Variants in C1QTNF7 observed in about 807,000 individuals in gnomAD.
C1QTNF7 encodes the protein C1q and TNF related 7.
A neutral mutation model predicts 19.6 loss-of-function variants in C1QTNF7; 15 were observed. The observed-to-expected ratio is 0.76, with a 90% CI of 0.51 to 1.18. The LOEUF (loss-of-function observed/expected upper bound fraction) is 1.18. C1QTNF7 is among the 50% of genes most tolerant of loss of function. The pLI, the probability that C1QTNF7 is intolerant of heterozygous loss-of-function variation, is 0.00. For missense variants in C1QTNF7, 324 were observed against 359.7 expected (o/e 0.90, Z 0.80); for synonymous variants, 142 against 137.5 (o/e 1.03, Z -0.23).
chr4:15,406,224 C>T (rs563113018), intron 1 of C1QTNF7, among the ~76,000 whole-genome samples: 77 of 152,268 alleles, frequency 5.1e-4, no homozygotes, highest in Non-Finnish European at 8.4e-4. Context: ...ACAGTTTCCC[C>T]GCCAGGATCC....
chr4:15,405,472 T>C lies in C1QTNF7; in HGVS notation c.14-30264T>C, dbSNP rs190384617. On this transcript the variant is annotated intron_variant, in intron 1 of 2. Transcript: ENST00000295297. Reference sequence around the variant, plus strand: ...AAGTGAGGATATAGGTGGGCATATATTGCCACCCAGTAGAATCGGCACTCT... The same window carrying C: ...AAGTGAGGATATAGGTGGGCATATACTGCCACCCAGTAGAATCGGCACTCT... Among the ~76,000 whole-genome samples, 211 of 152,240 alleles carry C rather than the reference T, an allele frequency of 1.4e-3. 3 individuals carry two copies. The highest frequency in any genetic ancestry group is 0.013 in the Admixed American group (198 of 15,284).
At chr4:15,422,141 G>A (rs527661650) in intron 1 of C1QTNF7, among the ~76,000 whole-genome samples, 6 of 145,820 alleles carry the variant, frequency 4.1e-5, no homozygotes, top group Middle Eastern at 3.7e-3. Flanking sequence ...CAAAAATCAC[G>A]AAACTATTAA....
Position 15,349,387 on chromosome 4 carries a change from G to A in C1QTNF7, c.13+9180G>A, listed in dbSNP as rs144812316. Among the ~76,000 whole-genome samples, 265 of 152,164 alleles carry A rather than the reference G, an allele frequency of 1.7e-3. 1 individual carries two copies. Among genetic ancestry groups the A allele is most frequent in the African/African-American group, 5.9e-3 (244 of 41,536 alleles). ...GCAGTATATAGGACCCCAGATAACCGAAGGGCCTAGCACAGTGCCCGGGAT... is the reference window on the plus strand; with the variant it reads ...GCAGTATATAGGACCCCAGATAACCAAAGGGCCTAGCACAGTGCCCGGGAT... On this transcript the variant is annotated intron_variant, in intron 1 of 2. Transcript: ENST00000295297.
At position 15,387,322 on chromosome 4, in the gene C1QTNF7, G is replaced by A. The variant is rs543988028; in HGVS notation, c.13+47115G>A. Reference sequence around the variant, plus strand: ...ATGTGGAGGTGTCTAGCAGGTAGCTGAATGTGAGTGTGGCATTCAGGAGGG... The same window carrying A: ...ATGTGGAGGTGTCTAGCAGGTAGCTAAATGTGAGTGTGGCATTCAGGAGGG... On this transcript the variant is annotated intron_variant, in intron 1 of 2. Coordinates refer to the C1QTNF7 transcript ENST00000295297. Among the ~76,000 whole-genome samples the A allele has an allele frequency of 2.6e-5, 4 of 152,230 alleles. No homozygotes were observed. In the South Asian group the frequency reaches 8.3e-4, roughly 32 times the overall value.
At chr4:15,376,266 A>G (rs1717935979) in intron 1 of C1QTNF7, among the ~76,000 whole-genome samples, 1 of 152,266 alleles carries the variant, frequency 6.6e-6, no homozygotes, top group Admixed American at 6.5e-5. Flanking sequence ...GGACTGCGTA[A>G]CGAAATAGAA....
chr4:15,342,208 G>A (rs531900732), intron 1 of C1QTNF7, among the ~76,000 whole-genome samples: 1 of 152,312 alleles, frequency 6.6e-6, no homozygotes, highest in South Asian at 2.1e-4. Flanking sequence ...GGCTGGGAGA[G>A]AAAGGCAGCG....
chr4:15,401,718 A>G (rs1243233698), intron 1 of C1QTNF7, among the ~76,000 whole-genome samples: 1 of 152,262 alleles, frequency 6.6e-6, no homozygotes, highest in Non-Finnish European at 1.5e-5. Context: ...CAGAAAAGAA[A>G]TAAGATGAAG....
chr4:15,349,011 G>A (rs1464203608), intron 1 of C1QTNF7, among the ~76,000 whole-genome samples: 1 of 152,278 alleles, frequency 6.6e-6, no homozygotes, highest in East Asian at 1.9e-4. Context: ...GGTGGTGCTA[G>A]GTTTATTCCT....
At position 15,431,791 on chromosome 4, in the gene C1QTNF7, A is replaced by T. The variant is rs149467699; in HGVS notation, c.-9+3685A>T. On this transcript the variant is annotated intron_variant, in intron 1 of 2. Transcript: ENST00000444304. The stretch of plus-strand genomic sequence containing the variant: ...GGACACATCAATGACTTCAACAAAG[A>T]TCCCTGCCCTCATGTAGCTTACATT... 3.2e-4 allele frequency among the ~76,000 whole-genome samples: 48 copies of T among 152,336 alleles called. No individual in the cohort carries two copies. The East Asian group carries it at 9.3e-3, about 29-fold the overall frequency.
intron 1 of C1QTNF7, among the ~76,000 whole-genome samples, chr4:15,385,335 A>G (rs1289680923): frequency 6.6e-6 from 1 of 152,240 alleles, no homozygotes; most frequent in Non-Finnish European, 1.5e-5. Context: ...ACATAGAGAC[A>G]GAAAAGTGTA....
At chr4:15,387,994 G>A (rs976569191) in intron 1 of C1QTNF7, among the ~76,000 whole-genome samples, 24 of 152,166 alleles carry the variant, frequency 1.6e-4, no homozygotes, top group African/African-American at 5.5e-4. Flanking sequence ...GTGCAAGGTT[G>A]ACCTTGGACG....
At chr4:15,382,867 C>T (rs898125395) in intron 1 of C1QTNF7, among the ~76,000 whole-genome samples, 1 of 152,170 alleles carries the variant, frequency 6.6e-6, no homozygotes, top group Non-Finnish European at 1.5e-5. Flanking sequence ...ATCCAGCTCT[C>T]GGCAGGCTCA....
exon 1 of C1QTNF7, chr4:15,340,107 C>T (rs973524292): frequency 1.4e-6 from 2 of 1,426,990 alleles, no homozygotes; most frequent in Admixed American, 3.9e-5. Context: ...ACACATATTT[C>T]TGCTTTAAAT....
intron 1 of C1QTNF7, among the ~76,000 whole-genome samples, chr4:15,397,632 G>A (rs1004929602): frequency 1.3e-5 from 2 of 152,182 alleles, no homozygotes; most frequent in Non-Finnish European, 2.9e-5. Context: ...ATCTTCAAGG[G>A]ACTTAAAGTC....
At chr4:15,398,597 A>G (rs1718874655) in intron 1 of C1QTNF7, among the ~76,000 whole-genome samples, 1 of 152,154 alleles carries the variant, frequency 6.6e-6, no homozygotes, top group Admixed American at 6.5e-5. Flanking sequence ...GAGCTCAGGC[A>G]TCCCTTTCAC....
At chr4:15,340,434 T>C (rs1348819906) in intron 1 of C1QTNF7, among the ~76,000 whole-genome samples, 1 of 152,138 alleles carries the variant, frequency 6.6e-6, no homozygotes, top group Non-Finnish European at 1.5e-5. Flanking sequence ...TTTCACTATA[T>C]AAAAAATCCC....
chr4:15,343,804 G>T (rs952172999), intron 1 of C1QTNF7, among the ~76,000 whole-genome samples: 1 of 152,150 alleles, frequency 6.6e-6, no homozygotes, highest in African/African-American at 2.4e-5. Flanking sequence ...GAATTGTGCC[G>T]ACTACAATAG....
intron 1 of C1QTNF7, among the ~76,000 whole-genome samples, chr4:15,384,640 A>C (rs1022509103): frequency 6.6e-6 from 1 of 152,244 alleles, no homozygotes; most frequent in Non-Finnish European, 1.5e-5. Context: ...ATGGTTCAAG[A>C]CATGACAAAT....
upstream of C1QTNF7, chr4:15,427,752 T>C (rs3797006): frequency 0.26 from 39,781 of 151,798 alleles, 6,196 homozygotes; most frequent in East Asian, 0.38. Flanking sequence ...GGAAAACAAA[T>C]GAAGAGGGAA....
Sources: gnomAD v4.1 joint callset for allele counts (sites outside exome capture counted in the v4.1 genomes callset) on GRCh38, gnomAD v4.1.1 for gene constraint, MANE v1.5 for transcripts, NCBI Gene and HGNC (gene_info 2026-07-23, HGNC 2026-07-21) for gene names.